Variants in SLC60A2 observed in about 807,000 individuals in gnomAD.
SLC60A2 encodes the protein solute carrier family 60 member 2.
chr6:111,263,287 G>A, the SLC60A2 span, among the ~76,000 whole-genome samples: 15 of 152,230 alleles, frequency 9.9e-5, no homozygotes, highest in East Asian at 2.9e-3. Flanking sequence ...AGAAAATTTA[G>A]ATTAATATGA....
At chr6:111,266,217 G>C in the SLC60A2 span, 4 of 1,613,906 alleles carry the variant, frequency 2.5e-6, no homozygotes, top group South Asian at 4.4e-5. Context: ...AGCATCTGCT[G>C]AGACATTTCG....
chr6:111,277,976 A>C, the SLC60A2 span: 1 of 152,092 alleles, frequency 6.6e-6, no homozygotes, highest in African/African-American at 2.4e-5. Flanking sequence ...CTCATTTCTC[A>C]GCTCTTTCCC....
chr6:111,259,865 C>A, the SLC60A2 span: 2 of 565,286 alleles, frequency 3.5e-6, no homozygotes, highest in Non-Finnish European at 2.9e-6. Flanking sequence ...CAATTCTAAT[C>A]TTGGAGGAAA....
At chr6:111,267,342 A>G in the SLC60A2 span, 500 of 457,644 alleles carry the variant, frequency 1.1e-3, 3 homozygotes, top group South Asian at 1.6e-3. Flanking sequence ...TTATAACGCT[A>G]TCATTTGACA....
the SLC60A2 span, chr6:111,278,193 A>G: frequency 6.6e-6 from 1 of 152,210 alleles, no homozygotes; most frequent in South Asian, 2.1e-4. Context: ...AAAACTGCCA[A>G]GGTTTCTGAG....
chr6:111,274,635 T>C, the SLC60A2 span, among the ~76,000 whole-genome samples: 1 of 152,222 alleles, frequency 6.6e-6, no homozygotes, highest in Non-Finnish European at 1.5e-5. Flanking sequence ...TGTGATTTTC[T>C]GTGGAGATAA....
At chr6:111,269,391 G>A in the SLC60A2 span, 1 of 152,206 alleles carries the variant, frequency 6.6e-6, no homozygotes, top group East Asian at 1.9e-4. Context: ...GTAGAGAGGG[G>A]GTTTCATCAT....
At chr6:111,267,102 A>G in the SLC60A2 span, 1 of 1,610,342 alleles carries the variant, frequency 6.2e-7, no homozygotes, top group Admixed American at 1.7e-5. Context: ...AACCAGGACA[A>G]AAGGGACTAA....
the SLC60A2 span, among the ~76,000 whole-genome samples, chr6:111,279,606 C>T: frequency 0.41 from 62,430 of 151,654 alleles, 15,303 homozygotes; most frequent in Non-Finnish European, 0.55. Context: ...CTATTCACTC[C>T]ACTGCTGCTT....
chr6:111,267,126 T>C, the SLC60A2 span: 1 of 1,589,910 alleles, frequency 6.3e-7, no homozygotes, highest in South Asian at 1.1e-5. Flanking sequence ...TTAGAGAAGA[T>C]GGATTACTCA....
the SLC60A2 span, chr6:111,263,701 A>G: frequency 1.8e-6 from 1 of 557,168 alleles, no homozygotes; most frequent in East Asian, 2.8e-5. Context: ...TTTTAGAAGC[A>G]AAAACTCTCA....
At chr6:111,273,511 T>TG in the SLC60A2 span, among the ~76,000 whole-genome samples, 48,900 of 149,430 alleles carry the variant, frequency 0.33, 9,422 homozygotes, top group Non-Finnish European at 0.43. Context: ...TTTTTTTTTT[T>TG]TTGTTTAACA....
the SLC60A2 span, chr6:111,262,197 A>G: frequency 1.4e-6 from 2 of 1,409,558 alleles, no homozygotes; most frequent in Non-Finnish European, 2.0e-6. Flanking sequence ...AGAAACTACC[A>G]CATAGTTAGA....
At chr6:111,259,612 C>T in the SLC60A2 span, 2 of 1,436,092 alleles carry the variant, frequency 1.4e-6, no homozygotes, top group East Asian at 2.6e-5. Context: ...GCGGAGGCCC[C>T]GGCGGAGAAT....
chr6:111,266,949 A>C, the SLC60A2 span: 1 of 1,614,198 alleles, frequency 6.2e-7, no homozygotes, highest in Non-Finnish European at 8.5e-7. Flanking sequence ...GAATGATACA[A>C]TGAGGCATTC....
the SLC60A2 span, chr6:111,263,770 T>C: frequency 4.7e-6 from 4 of 859,760 alleles, no homozygotes; most frequent in South Asian, 1.6e-5. Context: ...ATTTATGATA[T>C]TGACTTGATC....
At chr6:111,260,268 A>C in the SLC60A2 span, among the ~76,000 whole-genome samples, 2 of 152,212 alleles carry the variant, frequency 1.3e-5, no homozygotes, top group South Asian at 2.1e-4. Context: ...GGGGTTCACC[A>C]GGTCTTTGGC....
chr6:111,265,935 T>A, the SLC60A2 span: 3 of 1,614,166 alleles, frequency 1.9e-6, no homozygotes, highest in Non-Finnish European at 2.5e-6. Context: ...TATGCAGGCC[T>A]TACACTTCTC....
the SLC60A2 span, among the ~76,000 whole-genome samples, chr6:111,274,652 T>A: frequency 6.6e-6 from 1 of 152,200 alleles, no homozygotes; most frequent in Non-Finnish European, 1.5e-5. Flanking sequence ...ATAAGTTTTC[T>A]TTATCTTCCT....
Sources: gnomAD v4.1 joint callset for allele counts (sites outside exome capture counted in the v4.1 genomes callset) on GRCh38, gnomAD v4.1.1 for gene constraint, MANE v1.5 for transcripts, NCBI Gene and HGNC (gene_info 2026-07-23, HGNC 2026-07-21) for gene names.